Variants in RBFOX2 observed in about 807,000 individuals in gnomAD.
The protein encoded by RBFOX2 is RNA binding fox-1 homolog 2.
In RBFOX2, 10 loss-of-function variants were observed where a neutral mutation model predicts 49.1. The observed-to-expected ratio is 0.20, with a 90% CI of 0.13 to 0.35. The LOEUF is 0.35. RBFOX2 is among the 10% of genes least tolerant of loss of function. RBFOX2 has a pLI of 1.00. For missense variants in RBFOX2, 323 were observed against 486.9 expected, an observed-to-expected ratio of 0.66 and a Z score of 3.17; for synonymous variants, 183 against 187.4, an observed-to-expected ratio of 0.98 and a Z score of 0.19.
At chr22:35,787,856 A>G (rs1437827970) in intron 2 of RBFOX2, among the ~76,000 whole-genome samples, 2 of 152,186 alleles carry the variant, frequency 1.3e-5, no homozygotes, top group Non-Finnish European at 2.9e-5. Context: ...GGCAAGGCAT[A>G]AAACAGAAGA....
intron 1 of RBFOX2, among the ~76,000 whole-genome samples, chr22:35,814,959 C>T (rs955890790): frequency 3.9e-5 from 6 of 152,120 alleles, no homozygotes; most frequent in Non-Finnish European, 5.9e-5. Context: ...TTTTTCAATC[C>T]GCAGCTACTT....
chr22:35,963,288 G>A (rs1028096476), upstream of RBFOX2, among the ~76,000 whole-genome samples: 17 of 152,188 alleles, frequency 1.1e-4, no homozygotes, highest in Non-Finnish European at 8.8e-5. Flanking sequence ...ATTGCAGTGC[G>A]GGGTGGGGGA....
chr22:35,914,359 G>A (rs1018717827), intron 1 of RBFOX2, among the ~76,000 whole-genome samples: 2 of 152,164 alleles, frequency 1.3e-5, no homozygotes, highest in South Asian at 2.1e-4. Flanking sequence ...GCGATAAAAC[G>A]CCACTGGAAT....
upstream of RBFOX2, among the ~76,000 whole-genome samples, chr22:35,844,489 T>C (rs2148896195): frequency 6.6e-6 from 1 of 152,210 alleles, no homozygotes; most frequent in East Asian, 1.9e-4. Context: ...TTCAAATTTA[T>C]AAATTTACTT....
At chr22:35,969,165 G>A (rs1301494154) in intron 1 of RBFOX2, among the ~76,000 whole-genome samples, 1 of 152,140 alleles carries the variant, frequency 6.6e-6, no homozygotes, top group African/African-American at 2.4e-5. Context: ...AGAGGTACCT[G>A]CCTGCCTCTA....
intron 1 of RBFOX2, among the ~76,000 whole-genome samples, chr22:35,931,736 C>T (rs1214879729): frequency 2.0e-5 from 3 of 152,130 alleles, no homozygotes; most frequent in African/African-American, 7.2e-5. Context: ...GATCATGCCA[C>T]TGCACTCCAG....
At chr22:35,906,090 T>A (rs1046735789) in intron 1 of RBFOX2, among the ~76,000 whole-genome samples, 1 of 152,154 alleles carries the variant, frequency 6.6e-6, no homozygotes, top group Non-Finnish European at 1.5e-5. Context: ...TAATGACACA[T>A]TTCTCAAAAA....
At chr22:35,777,983 CA>C (rs777237018) in intron 4 of RBFOX2, 41 bp downstream of exon 5, 1 of 1,550,028 alleles carries the variant, frequency 6.5e-7, no homozygotes, top group Non-Finnish European at 8.8e-7. Context: ...ACATAAAACT[CA>C]AAAAGAAATC....
At chr22:35,789,015 A>C (rs907530734) in intron 2 of RBFOX2, among the ~76,000 whole-genome samples, 2 of 151,998 alleles carry the variant, frequency 1.3e-5, no homozygotes, top group Non-Finnish European at 2.9e-5. Context: ...ATAGGTCCTT[A>C]ATCTCTTATC....
At chr22:35,756,973 G>A (rs1355041853) in intron 9 of RBFOX2, among the ~76,000 whole-genome samples, 1 of 152,054 alleles carries the variant, frequency 6.6e-6, no homozygotes, top group Admixed American at 6.5e-5. Flanking sequence ...GTGCAGTGGG[G>A]ATCCCAGATA....
At chr22:36,009,758 T>C (rs2058744962) in intron 1 of RBFOX2, among the ~76,000 whole-genome samples, 1 of 152,090 alleles carries the variant, frequency 6.6e-6, no homozygotes, top group Admixed American at 6.6e-5. Flanking sequence ...ATTCACAGAG[T>C]ATCTATTACC....
intron 1 of RBFOX2, among the ~76,000 whole-genome samples, chr22:35,880,761 CCTA>C (rs201608314): frequency 0.027 from 4,062 of 152,054 alleles, 85 homozygotes; most frequent in Non-Finnish European, 0.041. Context: ...CTTTATTTTT[CCTA>C]CATCTTGAAA....
At chr22:36,028,140 A>T (rs935770470) in intron 1 of RBFOX2, 100 bp downstream of exon 1, 1 of 1,312,640 alleles carries the variant, frequency 7.6e-7, no homozygotes, top group African/African-American at 1.6e-5. Context: ...CCTCCAACCC[A>T]GGACTCCCGG....
chr22:35,844,243 G>C (rs1229090461), upstream of RBFOX2, among the ~76,000 whole-genome samples: 3 of 152,110 alleles, frequency 2.0e-5, no homozygotes, highest in African/African-American at 7.2e-5. Context: ...ACTATGACTA[G>C]ACTATGAGCA....
intron 1 of RBFOX2, among the ~76,000 whole-genome samples, chr22:36,014,880 T>C (rs944253337): frequency 6.6e-6 from 1 of 152,202 alleles, no homozygotes; most frequent in Non-Finnish European, 1.5e-5. Flanking sequence ...TTAACACACT[T>C]TAATGCTTAC....
chr22:35,756,962 G>A (rs1937144430), intron 9 of RBFOX2, among the ~76,000 whole-genome samples: 1 of 152,034 alleles, frequency 6.6e-6, no homozygotes. Context: ...AGAATTGAAA[G>A]GTGCAGTGGG....
At chr22:35,784,477 C>T (rs537434041) in intron 2 of RBFOX2, among the ~76,000 whole-genome samples, 43 of 152,322 alleles carry the variant, frequency 2.8e-4, no homozygotes, top group African/African-American at 8.7e-4. Context: ...GGGAGTGGTG[C>T]GGTATCAGAC....
intron 1 of RBFOX2, among the ~76,000 whole-genome samples, chr22:35,918,113 A>G (rs955987468): frequency 3.9e-5 from 6 of 152,228 alleles, no homozygotes; most frequent in Non-Finnish European, 8.8e-5. Flanking sequence ...TCCTCTACCC[A>G]GAGTTCTTGT....
Position 35,759,998 on chromosome 22 carries a change from A to G in RBFOX2, c.777T>C (p.Thr259=). 1 of 1,613,876 alleles carries G rather than the reference A, an allele frequency of 6.2e-7. No homozygotes were observed. The highest frequency in any genetic ancestry group is 8.5e-7 in the Non-Finnish European group (1 of 1,180,026). Reference sequence around the variant, plus strand: ...TGAAAGCGGCTGCCGTGGTGGCTGCAGTAGGGTAAGGGAAGCCAGGAACTA... The same window carrying G: ...TGAAAGCGGCTGCCGTGGTGGCTGCGGTAGGGTAAGGGAAGCCAGGAACTA... The change falls in exon 9 of 12, where the codon ACT becomes ACC. Residue 259 remains threonine (T), a synonymous_variant. Coordinates refer to ENST00000405409, the Ensembl canonical transcript of RBFOX2. The surrounding 1 kb of genome is among the most constrained non-coding windows in gnomAD (Gnocchi z 4.6).
Sources: gnomAD v4.1 joint callset for allele counts (sites outside exome capture counted in the v4.1 genomes callset) on GRCh38, gnomAD v4.1.1 for gene constraint, Gnocchi (gnomAD v3.1) non-coding constraint, MANE v1.5 for transcripts, NCBI Gene and HGNC (gene_info 2026-07-23, HGNC 2026-07-21) for gene names.